DAG1: variants seen among roughly 807,000 people sequenced by gnomAD.
DAG1 encodes the protein dystroglycan 1.
A neutral mutation model predicts 46.1 loss-of-function variants in DAG1; 8 were observed. That is an observed-to-expected ratio of 0.17 (90% CI 0.10 to 0.31). DAG1 has a LOEUF of 0.31. DAG1 is among the 10% of genes least tolerant of loss of function. The pLI is 1.00. For missense variants in DAG1, 1,003 were observed against 1,189.9 expected (o/e 0.84, Z 2.31); for synonymous variants, 495 against 481.8 (o/e 1.03, Z -0.36).
At chr3:49,487,954 G>A (rs1241135550) in intron 1 of DAG1, among the ~76,000 whole-genome samples, 2 of 151,800 alleles carry the variant, frequency 1.3e-5, no homozygotes, top group South Asian at 2.1e-4. Context: ...TGCCCGCCTC[G>A]GCTTCCCAAA....
At chr3:49,473,583 C>CTT (rs554262180) in intron 1 of DAG1, among the ~76,000 whole-genome samples, 2 of 145,672 alleles carry the variant, frequency 1.4e-5, no homozygotes, top group Admixed American at 6.9e-5. Flanking sequence ...TCTTTTCTTC[C>CTT]TTTTTTTTTT....
chr3:49,475,406 C>CTTTT (rs11320656), intron 1 of DAG1, among the ~76,000 whole-genome samples: 3 of 124,484 alleles, frequency 2.4e-5, no homozygotes, highest in Non-Finnish European at 3.4e-5. Flanking sequence ...ACCTGGCCAG[C>CTTTT]TTTTTTTTTT....
rs1328445862 is a variant in DAG1, at chr3:49,532,992, C to A, written c.2481C>A (p.Pro827=). Residue 827 remains proline, a synonymous_variant, in exon 3 of 3, where the codon CCC becomes CCA. Coordinates refer to ENST00000308775, the MANE Select transcript of DAG1 (RefSeq NM_004393.6). The surrounding 1 kb of genome is among the most constrained non-coding windows in gnomAD (Gnocchi z 5.4). ...TGCAGGAGGAGAAGGCTCCCCTACCCCCTCCTGAGTACCCCAACCAGAGTG... is the reference window on the plus strand; with the variant it reads ...TGCAGGAGGAGAAGGCTCCCCTACCACCTCCTGAGTACCCCAACCAGAGTG... ...LILQEEKAPL[P]PPEYPNQSVP... 6.2e-7 allele frequency: 1 copy of A among 1,614,002 alleles called. No individual in the cohort carries two copies. Among genetic ancestry groups the A allele is most frequent in the Non-Finnish European group, 8.5e-7 (1 of 1,180,002 alleles).
At chr3:49,489,485 G>A (rs982190187) in intron 1 of DAG1, among the ~76,000 whole-genome samples, 13 of 152,222 alleles carry the variant, frequency 8.5e-5, no homozygotes, top group Middle Eastern at 3.4e-3. Context: ...GTAGGGAATC[G>A]GATACTGGGA....
intron 1 of DAG1, among the ~76,000 whole-genome samples, chr3:49,499,577 C>T (rs564093202): frequency 5.3e-5 from 8 of 152,152 alleles, no homozygotes; most frequent in Non-Finnish European, 1.2e-4. Flanking sequence ...TCCCTGTGTG[C>T]GTGGGCACTC....
chr3:49,506,972 AAG>A (rs2050622040), intron 1 of DAG1, among the ~76,000 whole-genome samples: 1 of 151,964 alleles, frequency 6.6e-6, no homozygotes, highest in African/African-American at 2.4e-5. Context: ...AAAAAAAAAA[AAG>A]AAAAATAAGT....
At chr3:49,480,053 G>A (rs984570349) in intron 1 of DAG1, among the ~76,000 whole-genome samples, 3 of 137,922 alleles carry the variant, frequency 2.2e-5, no homozygotes, top group Non-Finnish European at 4.6e-5. Context: ...GGGTTCAATC[G>A]ATTCTCCCGC....
intron 2 of DAG1, among the ~76,000 whole-genome samples, chr3:49,526,223 G>A (rs989086130): frequency 2.0e-5 from 3 of 152,128 alleles, no homozygotes; most frequent in African/African-American, 4.8e-5. Flanking sequence ...GGTACTAAAC[G>A]ATCCATGAGA....
intron 1 of DAG1, among the ~76,000 whole-genome samples, chr3:49,492,488 G>T (rs1357807063): frequency 4.6e-5 from 7 of 151,894 alleles, no homozygotes; most frequent in Admixed American, 4.6e-4. Context: ...CTCTACAAAA[G>T]ATAAAAAATT....
chr3:49,495,957 A>G (rs1264435175), intron 1 of DAG1, among the ~76,000 whole-genome samples: 1 of 152,016 alleles, frequency 6.6e-6, no homozygotes, highest in Non-Finnish European at 1.5e-5. Context: ...ACAGAAAAAA[A>G]AAAACCCCAA....
At position 49,530,802 on chromosome 3, in the gene DAG1, A is replaced by T; in HGVS notation, c.291A>T (p.Ser97=). The change falls in exon 3 of 3, where the codon TCA becomes TCT. Residue 97 remains serine, a synonymous_variant. Coordinates refer to ENST00000308775, the MANE Select transcript of DAG1 (RefSeq NM_004393.6). The part of the protein sequence containing the change: ...IASSGDIIKV[S]AAGKEALPSW... ...TATGCTTGTGTCTCTTCTAGGTATC[A>T]GCGGCAGGGAAGGAGGCTTTGCCAT... 1 of 1,614,228 alleles carries T rather than the reference A, an allele frequency of 6.2e-7. No individual in the cohort carries two copies. Among genetic ancestry groups the T allele is most frequent in the Non-Finnish European group, 8.5e-7 (1 of 1,180,036 alleles).
chr3:49,502,357 A>G (rs2050475548), intron 1 of DAG1, among the ~76,000 whole-genome samples: 1 of 152,202 alleles, frequency 6.6e-6, no homozygotes, highest in Admixed American at 6.5e-5. Context: ...CCATCTATGT[A>G]CATGGTCATT....
rs1289669671 is a variant in DAG1 at position 49,532,749 on chromosome 3, G to C, written c.2238G>C (p.Glu746Asp). 3 of 1,614,020 alleles carry C rather than the reference G, an allele frequency of 1.9e-6. No homozygotes were observed. Among genetic ancestry groups the C allele is most frequent in the Non-Finnish European group, 2.5e-6 (3 of 1,180,046 alleles). ...ACAGGGACCCTGAGAAGAGCAGTGAGGATGATGTCTACCTGCACACAGTCA... is the reference window on the plus strand; with the variant it reads ...ACAGGGACCCTGAGAAGAGCAGTGACGATGATGTCTACCTGCACACAGTCA... The part of the protein sequence containing the change: ...VPDRDPEKSS[E>D]DDVYLHTVIP... The change falls in exon 3 of 3, where the codon GAG becomes GAC. Residue 746 changes from glutamate to aspartate, a missense_variant. Coordinates refer to ENST00000308775, the MANE Select transcript of DAG1 (RefSeq NM_004393.6). The surrounding 1 kb of genome is among the most constrained non-coding windows in gnomAD (Gnocchi z 5.4).
At chr3:49,530,751 A>G (rs994864705) in intron 2 of DAG1, 46 bp from the exon 3 acceptor site, 1 of 1,613,728 alleles carries the variant, frequency 6.2e-7, no homozygotes, top group Non-Finnish European at 8.5e-7. Flanking sequence ...TATTCAGGTT[A>G]TGCAGTGACA....
At chr3:49,492,498 T>G (rs976862732) in intron 1 of DAG1, among the ~76,000 whole-genome samples, 2 of 151,914 alleles carry the variant, frequency 1.3e-5, no homozygotes, top group Non-Finnish European at 2.9e-5. Flanking sequence ...GATAAAAAAT[T>G]AGCCAAGTGT....
intron 1 of DAG1, among the ~76,000 whole-genome samples, chr3:49,490,037 G>A (rs1230450992): frequency 6.6e-6 from 1 of 152,208 alleles, no homozygotes; most frequent in East Asian, 1.9e-4. Flanking sequence ...CATGACCCGT[G>A]TTCCTTTCTC....
intron 1 of DAG1, among the ~76,000 whole-genome samples, chr3:49,484,946 G>A (rs544307469): frequency 2.0e-5 from 3 of 152,028 alleles, no homozygotes; most frequent in Admixed American, 6.6e-5. Flanking sequence ...ACAGATGCGC[G>A]CCACCACATT....
At chr3:49,469,785 C>T (rs1178438957), upstream of DAG1, among the ~76,000 whole-genome samples, 2 of 152,226 alleles carry the variant, frequency 1.3e-5, no homozygotes, top group Non-Finnish European at 2.9e-5. Flanking sequence ...CTTAGAAATA[C>T]CCCTTGATTT....
Position 49,480,267 on chromosome 3 carries a change from C to CTT in DAG1, c.-117+9853_-117+9854dup, listed in dbSNP as rs1043834393. On this transcript the variant is annotated intron_variant, in intron 1 of 2. Transcript: ENST00000308775. ...GTGCCTGGTCATGAATATAACATTTCTTTTTTTTTTTTTTTTTTTTGGGAG... is the reference window on the plus strand; with the variant it reads ...GTGCCTGGTCATGAATATAACATTTCTTTTTTTTTTTTTTTTTTTTTTGGGAG... Among the ~76,000 whole-genome samples, 375 of 99,998 alleles carry CTT rather than the reference C, an allele frequency of 3.8e-3. 3 individuals carry two copies. The highest frequency in any genetic ancestry group is 6.6e-3 in the Non-Finnish European group (320 of 48,632). The allele number at this position is 99,998 out of a possible 152,430, so 65.6% of individuals were successfully genotyped here. A position where few individuals can be genotyped will look rare whatever the true frequency, so the allele number is the denominator to read the frequency against.
Sources: allele counts gnomAD v4.1 joint callset (sites outside exome capture counted in the v4.1 genomes callset), GRCh38; gene constraint gnomAD v4.1.1; non-coding constraint Gnocchi (gnomAD v3.1); transcripts MANE v1.5; gene names NCBI Gene and HGNC (gene_info 2026-07-23, HGNC 2026-07-21).